AFF2: variants seen among roughly 807,000 people sequenced by gnomAD.
AFF2 encodes the protein AF4/FMR2 family member 2.
A neutral mutation model predicts 76.9 loss-of-function variants in AFF2; 14 were observed. The observed-to-expected ratio is 0.18, with a 90% CI of 0.12 to 0.28. The LOEUF is 0.28. Among genes scored for constraint, AFF2 ranks in the 10% least tolerant of loss-of-function variants. The pLI is 1.00. For missense variants in AFF2, 868 were observed against 1,001.1 expected (o/e 0.87, Z 1.79); for synonymous variants, 398 against 366.7 (o/e 1.09, Z -0.98).
chrX:148,586,624 A>G (rs901846446), intron 1 of AFF2, among the ~76,000 whole-genome samples: 9 of 112,247 alleles, frequency 8.0e-5, no homozygotes, highest in African/African-American at 2.6e-4. Flanking sequence ...GAATTCTTCA[A>G]TATTTAGAGA....
At chrX:148,948,979 GGTAAAATCTT>G (rs2071933068) in intron 9 of AFF2, among the ~76,000 whole-genome samples, 6 of 111,001 alleles carry the variant, frequency 5.4e-5, no homozygotes, top group Non-Finnish European at 1.1e-4. Context: ...CTGATGTTGA[GGTAAAATCTT>G]CCTGACTAGA....
At chrX:148,873,323 T>C (rs1410760689) in intron 7 of AFF2, among the ~76,000 whole-genome samples, 1 of 110,604 alleles carries the variant, frequency 9.0e-6, no homozygotes, top group Non-Finnish European at 1.9e-5. Flanking sequence ...AGTGAAGGAC[T>C]GGGCCTTGCA....
At chrX:148,530,310 T>C (rs944024362) in intron 1 of AFF2, among the ~76,000 whole-genome samples, 1 of 112,180 alleles carries the variant, frequency 8.9e-6, no homozygotes, top group Non-Finnish European at 1.9e-5. Flanking sequence ...CTATTGTTAA[T>C]ATTATATAAT....
At chrX:148,984,500 C>A (rs1226056910) in intron 19 of AFF2, among the ~76,000 whole-genome samples, 1 of 111,581 alleles carries the variant, frequency 9.0e-6, no homozygotes, top group Non-Finnish European at 1.9e-5. Context: ...CTGCATCAGC[C>A]CTCTCTTAGC....
intron 7 of AFF2, among the ~76,000 whole-genome samples, chrX:148,860,218 G>A (rs895690186): frequency 4.5e-5 from 5 of 111,524 alleles, no homozygotes; most frequent in African/African-American, 1.6e-4. Flanking sequence ...GATCAAATAC[G>A]GCCTTGTTCT....
intron 1 of AFF2, among the ~76,000 whole-genome samples, chrX:148,636,138 A>T (rs1557253767): frequency 9.0e-6 from 1 of 111,418 alleles, no homozygotes; most frequent in African/African-American, 3.3e-5. Context: ...GAAGTAGATC[A>T]TATCCTTTCT....
intron 3 of AFF2, among the ~76,000 whole-genome samples, chrX:148,748,923 A>G (rs1354121227): frequency 1.8e-5 from 2 of 112,047 alleles, no homozygotes; most frequent in African/African-American, 3.2e-5. Context: ...TGGAGTTTGC[A>G]TAGAATGGTT....
At chrX:148,932,918 C>G (rs782380830) in intron 9 of AFF2, among the ~76,000 whole-genome samples, 1 of 112,274 alleles carries the variant, frequency 8.9e-6, no homozygotes, top group African/African-American at 3.2e-5. Context: ...CAAAGCTCTG[C>G]GCTAGTGGAG....
chrX:148,945,478 G>A (rs1266849219), intron 9 of AFF2, among the ~76,000 whole-genome samples: 1 of 111,900 alleles, frequency 8.9e-6, no homozygotes, highest in Non-Finnish European at 1.9e-5. Context: ...TTCTCCCAGT[G>A]GCTCCCATCT....
Position 148,997,792 on chromosome X carries a change from T to G in AFF2, c.*6460T>G, listed in dbSNP as rs1175369770. The G allele has an allele frequency of 8.9e-6, 1 of 112,351 alleles. No individual in the cohort carries two copies. Among genetic ancestry groups the G allele is most frequent in the Non-Finnish European group, 1.9e-5 (1 of 53,279 alleles). 9.3% of individuals were successfully genotyped at this position (112,351 alleles called of 1,213,427 possible). A position where few individuals can be genotyped will look rare whatever the true frequency, so the allele number is the denominator to read the frequency against. ...ACAGCTACAAAGAGCTAGAAATGTG[T>G]TTAACATCATCCAGTGCATCCCCTA... is the stretch of plus-strand genomic sequence containing the variant. On this transcript the variant is annotated 3_prime_UTR_variant, in exon 21 of 21. Coordinates refer to ENST00000370460, the MANE Select transcript of AFF2 (RefSeq NM_002025.4).
At chrX:148,820,522 T>A (rs193070826) in intron 4 of AFF2, among the ~76,000 whole-genome samples, 14 of 111,818 alleles carry the variant, frequency 1.3e-4, no homozygotes, top group Non-Finnish European at 3.8e-5. Flanking sequence ...GCCGGTGATG[T>A]AACAACATGA....
intron 3 of AFF2, among the ~76,000 whole-genome samples, chrX:148,784,772 A>G (rs782331224): frequency 2.7e-5 from 3 of 111,872 alleles, no homozygotes; most frequent in South Asian, 3.8e-4. Flanking sequence ...AGTGGGGGCA[A>G]TTCCACAATT....
chrX:148,531,304 C>T (rs995702792), intron 1 of AFF2, among the ~76,000 whole-genome samples: 3 of 111,454 alleles, frequency 2.7e-5, no homozygotes, highest in Non-Finnish European at 5.6e-5. Context: ...ATCCCATGTT[C>T]CAGAATTCTG....
chrX:148,530,165 G>C (rs782348272), intron 1 of AFF2, among the ~76,000 whole-genome samples: 46 of 111,633 alleles, frequency 4.1e-4, no homozygotes, highest in Admixed American at 1.0e-3. Context: ...CAATTATCCA[G>C]GATGGTGTCT....
intron 7 of AFF2, among the ~76,000 whole-genome samples, chrX:148,882,919 G>C (rs1400392096): frequency 1.8e-5 from 2 of 111,693 alleles, no homozygotes; most frequent in African/African-American, 6.5e-5. Context: ...TGTTTACTGG[G>C]ACTTAAATGT....
At chrX:148,773,651 G>GAGGA (rs1221444605) in intron 3 of AFF2, among the ~76,000 whole-genome samples, 4 of 91,067 alleles carry the variant, frequency 4.4e-5, no homozygotes, top group South Asian at 1.1e-3. Context: ...AGGAGGGAGG[G>GAGGA]AGGAAGGAAG....
chrX:148,736,238 T>C (rs1489754738), intron 3 of AFF2, among the ~76,000 whole-genome samples: 1 of 112,160 alleles, frequency 8.9e-6, no homozygotes, highest in African/African-American at 3.2e-5. Context: ...CCACCAGCAG[T>C]GTAGAAGTGT....
At position 148,764,990 on chromosome X, in the gene AFF2, A is replaced by G. The variant is rs192318179; in HGVS notation, c.1042-44886A>G. On this transcript the variant is annotated intron_variant, in intron 3 of 20. Coordinates refer to ENST00000370460, the MANE Select transcript of AFF2 (RefSeq NM_002025.4). The stretch of plus-strand genomic sequence containing the variant: ...CATCATCTTGGGGCTTCATTAATTC[A>G]TGGTAGGTGCTTCACAACTCTGTAG... Among the ~76,000 whole-genome samples the G allele has an allele frequency of 4.6e-3, 512 of 112,105 alleles. 5 individuals carry two copies. Among genetic ancestry groups the G allele is most frequent in the African/African-American group, 0.016 (492 of 30,911 alleles).
At chrX:148,770,333 A>G (rs1557268024) in intron 3 of AFF2, among the ~76,000 whole-genome samples, 1 of 111,805 alleles carries the variant, frequency 8.9e-6, no homozygotes, top group African/African-American at 3.3e-5. Flanking sequence ...ATACGTGGAC[A>G]TCCTGAATTT....
Sources: allele counts gnomAD v4.1 joint callset (sites outside exome capture counted in the v4.1 genomes callset), GRCh38; gene constraint gnomAD v4.1.1; transcripts MANE v1.5; gene names NCBI Gene and HGNC (gene_info 2026-07-23, HGNC 2026-07-21).